ANKS1A: variants seen among roughly 807,000 people sequenced by gnomAD.
The protein encoded by ANKS1A is ankyrin repeat and sterile alpha motif domain containing 1A.
Under a neutral mutation model 120.3 loss-of-function variants are expected in ANKS1A, and 55 were observed. That is an observed-to-expected ratio of 0.46 (90% CI 0.37 to 0.57). The LOEUF (loss-of-function observed/expected upper bound fraction) is 0.57, where lower values mean the gene tolerates loss of function less well. ANKS1A is among the 20% of genes least tolerant of loss of function. ANKS1A has a pLI of 0.00. For synonymous variants in ANKS1A, 590 were observed against 604.7 expected, an observed-to-expected ratio of 0.98 and a Z score of 0.36; for missense variants, 1,123 against 1,480.3, an observed-to-expected ratio of 0.76 and a Z score of 3.96.
intron 1 of ANKS1A, among the ~76,000 whole-genome samples, chr6:34,962,420 T>G (rs1770684660): frequency 6.6e-6 from 1 of 152,234 alleles, no homozygotes; most frequent in African/African-American, 2.4e-5. Flanking sequence ...TAGCTATACA[T>G]TATAGAGTGG....
At chr6:35,022,539 C>T (rs1424546439) in intron 11 of ANKS1A, among the ~76,000 whole-genome samples, 1 of 152,056 alleles carries the variant, frequency 6.6e-6, no homozygotes, top group Non-Finnish European at 1.5e-5. Flanking sequence ...ACAAAGAAGT[C>T]ATAGAGTTTG....
intron 13 of ANKS1A, among the ~76,000 whole-genome samples, chr6:35,070,484 C>CTTTTT (rs869249276): frequency 1.8e-3 from 113 of 62,810 alleles, no homozygotes; most frequent in Non-Finnish European, 2.0e-3. Flanking sequence ...AAGCCTTTAT[C>CTTTTT]TTTTTTTTTT....
intron 1 of ANKS1A, among the ~76,000 whole-genome samples, chr6:34,893,085 CATT>C (rs1458650442): frequency 6.6e-6 from 1 of 152,288 alleles, no homozygotes; most frequent in East Asian, 1.9e-4. Flanking sequence ...AGCTGCTTGA[CATT>C]ATTCAAGTTA....
rs374817996 is a variant in ANKS1A at position 35,086,411 on chromosome 6, G to A, written c.3303+475G>A. ...TGTCTTGTGTGTCAGTCTCCCCGAA[G>A]TGACCGTGAGCGCTCTTAGCCTCTG... On this transcript the variant is annotated intron_variant, in intron 22 of 23. Coordinates refer to ENST00000360359, the MANE Select transcript of ANKS1A (RefSeq NM_015245.3). This position sits in a 1 kb window ranked among gnomAD's most constrained non-coding sequence, Gnocchi z 5.1. The A allele has an allele frequency of 3.6e-5, 46 of 1,261,032 alleles. No individual in the cohort carries two copies. The East Asian group carries it at 1.5e-3, about 41-fold the overall frequency. 78.1% of individuals were successfully genotyped at this position (1,261,032 alleles called of 1,614,324 possible).
Position 34,994,345 on chromosome 6 carries a change from A to G in ANKS1A, c.1346A>G (p.Glu449Gly). The G allele has an allele frequency of 1.2e-6, 2 of 1,613,738 alleles. No individual in the cohort carries two copies. Among genetic ancestry groups the G allele is most frequent in the Non-Finnish European group, 1.7e-6 (2 of 1,179,724 alleles). ...AGGATTCATGGGAGTGCAGCCCGGG[A>G]AGAAGACGAACACCCTTATGAACTG... ...RPRIHGSAAR[E>G]EDEHPYELLL... The change falls in exon 10 of 24, where the codon GAA (glutamate) becomes GGA (glycine). Residue 449 changes from glutamate (E) to glycine (G), a missense_variant. By Grantham distance (98) the Glu-to-Gly change is moderately conservative (BLOSUM62 -2). Around this residue, in one of 3 missense-constraint regions of ANKS1A, gnomAD observed 904 missense variants for 1,130.4 expected, o/e 0.80. Coordinates refer to ENST00000360359, the MANE Select transcript of ANKS1A (RefSeq NM_015245.3).
At chr6:35,035,761 G>C (rs1265912104) in intron 11 of ANKS1A, among the ~76,000 whole-genome samples, 1 of 152,214 alleles carries the variant, frequency 6.6e-6, no homozygotes, top group Non-Finnish European at 1.5e-5. Flanking sequence ...TTGTCTTTCT[G>C]TTAAACAGAA....
chr6:34,950,524 C>T (rs181131863), intron 1 of ANKS1A, among the ~76,000 whole-genome samples: 6 of 152,150 alleles, frequency 3.9e-5, no homozygotes, highest in East Asian at 1.9e-4. Context: ...CCACCGCGCC[C>T]GGCCAGGAAG....
chr6:34,889,389 T>C lies in ANKS1A; in HGVS notation c.-14T>C. 1 of 1,256,726 alleles carries C rather than the reference T, an allele frequency of 8.0e-7. No homozygotes were observed. Among genetic ancestry groups the C allele is most frequent in the African/African-American group, 1.6e-5 (1 of 64,134 alleles). The allele number at this position is 1,256,726 out of a possible 1,614,324, so 77.8% of individuals were successfully genotyped here. On this transcript the variant is annotated 5_prime_UTR_variant, in exon 1 of 24. Coordinates refer to ENST00000360359, the MANE Select transcript of ANKS1A (RefSeq NM_015245.3). This position sits in a 1 kb window ranked among gnomAD's most constrained non-coding sequence, Gnocchi z 5.5. Reference sequence around the variant, plus strand: ...AGCCTCGGGGAGGGGGTCCAGCGGGTGGCGGCCCTGGGGATGGGGAAGGAG... The same window carrying C: ...AGCCTCGGGGAGGGGGTCCAGCGGGCGGCGGCCCTGGGGATGGGGAAGGAG...
intron 3 of ANKS1A, among the ~76,000 whole-genome samples, chr6:34,973,404 C>T (rs1204430576): frequency 2.6e-5 from 4 of 152,200 alleles, no homozygotes; most frequent in Admixed American, 2.6e-4. Context: ...GCCCTGTCTG[C>T]CCCTCAGCCT....
chr6:34,980,827 A>C (rs897118116), intron 3 of ANKS1A, among the ~76,000 whole-genome samples: 1 of 152,226 alleles, frequency 6.6e-6, no homozygotes, highest in Non-Finnish European at 1.5e-5. Flanking sequence ...AAAGCACACA[A>C]TTCTCCCATT....
chr6:34,990,436 C>T (rs982433104), intron 9 of ANKS1A, among the ~76,000 whole-genome samples: 1 of 151,648 alleles, frequency 6.6e-6, no homozygotes. Context: ...CAAGTGTACG[C>T]AGTAAATCCT....
chr6:34,986,025 C>G (rs1212265293), intron 8 of ANKS1A, among the ~76,000 whole-genome samples: 1 of 152,220 alleles, frequency 6.6e-6, no homozygotes, highest in Non-Finnish European at 1.5e-5. Flanking sequence ...AACACCATAG[C>G]TTAGCCTAGC....
chr6:34,988,040 T>C (rs955205127), intron 8 of ANKS1A, among the ~76,000 whole-genome samples: 13 of 152,240 alleles, frequency 8.5e-5, no homozygotes, highest in Non-Finnish European at 2.9e-5. Context: ...ATCAGGATCA[T>C]CCTGTGTCTT....
At chr6:35,080,242 C>T (rs1164307604) in intron 16 of ANKS1A, among the ~76,000 whole-genome samples, 1 of 59,494 alleles carries the variant, frequency 1.7e-5, no homozygotes, top group African/African-American at 3.5e-5. Context: ...ATCCAAAAGG[C>T]CAGGACTCAC....
At chr6:35,024,617 A>G (rs1774515559) in intron 11 of ANKS1A, among the ~76,000 whole-genome samples, 1 of 152,226 alleles carries the variant, frequency 6.6e-6, no homozygotes, top group African/African-American at 2.4e-5. Flanking sequence ...TTTGTCTGAA[A>G]TGGTAGCTGA....
At chr6:35,095,156 AAAAAG>A (rs1440435876), downstream of ANKS1A, among the ~76,000 whole-genome samples, 1 of 151,308 alleles carries the variant, frequency 6.6e-6, no homozygotes, top group African/African-American at 2.4e-5. Context: ...AAAAAAAAAA[AAAAAG>A]CACTGAAAAA....
In ANKS1A at chr6:35,060,383, GT is replaced by G; in HGVS notation, c.2184+131del. On this transcript the variant is annotated intron_variant, in intron 13 of 23. Coordinates refer to ENST00000360359, the MANE Select transcript of ANKS1A (RefSeq NM_015245.3). This position sits in a 1 kb window ranked among gnomAD's most constrained non-coding sequence, Gnocchi z 4.5. ...CAAATCCCAGGGAAAGCTCACTGAGGTCACTCAGACACCAGGAAGTCAGCCA... is the reference window on the plus strand; with the variant it reads ...CAAATCCCAGGGAAAGCTCACTGAGGCACTCAGACACCAGGAAGTCAGCCA... 1 of 756,316 alleles carries G rather than the reference GT, an allele frequency of 1.3e-6. No individual in the cohort carries two copies. Among genetic ancestry groups the G allele is most frequent in the Non-Finnish European group, 2.2e-6 (1 of 463,944 alleles). 46.9% of individuals were successfully genotyped at this position (756,316 alleles called of 1,614,324 possible).
chr6:35,063,691 G>A lies in ANKS1A; in HGVS notation c.2184+3438G>A, dbSNP rs895266115. Among the ~76,000 whole-genome samples, 15 of 152,212 alleles carry A rather than the reference G, an allele frequency of 9.9e-5. No individual in the cohort carries two copies. In the South Asian group the frequency reaches 1.0e-3, roughly 11 times the overall value. ...GGGGCTTCATTTTCCTCTTTGGAGT[G>A]TAATCGTTTTTCTCCATTTCCCACC... On this transcript the variant is annotated intron_variant, in intron 13 of 23. Coordinates refer to ENST00000360359, the MANE Select transcript of ANKS1A (RefSeq NM_015245.3).
At chr6:35,097,810 T>G in the ANKS1A span, among the ~76,000 whole-genome samples, 1 of 152,182 alleles carries the variant, frequency 6.6e-6, no homozygotes, top group East Asian at 1.9e-4. Flanking sequence ...TTAGTTAAAA[T>G]GCAAACACTG....
Sources: gnomAD v4.1 joint callset for allele counts (sites outside exome capture counted in the v4.1 genomes callset) on GRCh38, gnomAD v4.1.1 for gene constraint, gnomAD v4.1.1 regional missense constraint, Gnocchi (gnomAD v3.1) non-coding constraint, MANE v1.5 for transcripts, NCBI Gene and HGNC (gene_info 2026-07-23, HGNC 2026-07-21) for gene names.